THRB: variants seen among roughly 807,000 people sequenced by gnomAD.
THRB encodes the protein nuclear receptor subfamily 1 group A member 2.
THRB carries 12 observed loss-of-function variants against 47.8 expected under a neutral mutation model. The observed-to-expected ratio is 0.25, with a 90% CI of 0.16 to 0.41. The LOEUF is 0.41. THRB is among the 10% of genes least tolerant of loss of function. The probability of loss-of-function intolerance (pLI) is 1.00; values close to 1 mark genes in which losing one functional copy is unlikely to be tolerated. For missense variants in THRB, 348 were observed against 589.2 expected, an observed-to-expected ratio of 0.59 and a Z score of 4.24; for synonymous variants, 218 against 212.2, an observed-to-expected ratio of 1.03 and a Z score of -0.24.
chr3:24,453,798 A>T (rs780157513), intron 1 of THRB, among the ~76,000 whole-genome samples: 1 of 151,802 alleles, frequency 6.6e-6, no homozygotes, highest in Non-Finnish European at 1.5e-5. Flanking sequence ...TTTCTATTCC[A>T]CTGGCCTTCC....
At chr3:24,281,540 C>A (rs932774026) in intron 3 of THRB, among the ~76,000 whole-genome samples, 174 of 150,022 alleles carry the variant, frequency 1.2e-3, no homozygotes, top group African/African-American at 3.8e-3. Context: ...CGAGCAAAAT[C>A]ACCAGCTAAC....
Position 24,269,403 on chromosome 3 carries a change from GCACACACACACA to G in THRB, c.-43+27811_-43+27822del, listed in dbSNP as rs200586026. On this transcript the variant is annotated intron_variant, in intron 3 of 10. Transcript: ENST00000646209. ...ATAGCTCACACGCGCGCGCGCGCGCGCACACACACACACACACACACACACACACACACACAC... is the reference window on the plus strand; with the variant it reads ...ATAGCTCACACGCGCGCGCGCGCGCGCACACACACACACACACACACACAC... Among the ~76,000 whole-genome samples the G allele has an allele frequency of 4.2e-3, 302 of 72,672 alleles. 3 individuals carry two copies. Among genetic ancestry groups the G allele is most frequent in the Middle Eastern group, 0.021 (2 of 96 alleles). The allele number at this position is 72,672 out of a possible 152,430, so 47.7% of individuals were successfully genotyped here. A position where few individuals can be genotyped will look rare whatever the true frequency, so the allele number is the denominator to read the frequency against.
chr3:24,141,854 G>T (rs922787746), intron 8 of THRB, among the ~76,000 whole-genome samples: 1 of 152,212 alleles, frequency 6.6e-6, no homozygotes, highest in Non-Finnish European at 1.5e-5. Context: ...GTCCATTTAT[G>T]GGTGACACAT....
Position 24,124,146 on chromosome 3 carries a change from G to A in THRB, c.1145-1021C>T, listed in dbSNP as rs540334053. On this transcript the variant is annotated intron_variant, in intron 10 of 10. Transcript: ENST00000646209. ...AATTATTGAGGTGTCTGTATCAATA[G>A]GAATCGAAACAGGGTTCTGCTTCAT... Among the ~76,000 whole-genome samples the A allele has an allele frequency of 2.1e-4, 32 of 152,226 alleles. 1 individual carries two copies. In the South Asian group the frequency reaches 4.2e-3, roughly 20 times the overall value.
intron 1 of THRB, among the ~76,000 whole-genome samples, chr3:24,390,784 TA>T (rs33999392): frequency 0.14 from 19,357 of 138,166 alleles, 1,719 homozygotes; most frequent in Middle Eastern, 0.23. Flanking sequence ...CTTTACTTTG[TA>T]AAAAAAAAAA....
intron 1 of THRB, among the ~76,000 whole-genome samples, chr3:24,455,929 A>C (rs1247994173): frequency 6.6e-6 from 1 of 152,182 alleles, no homozygotes; most frequent in Non-Finnish European, 1.5e-5. Flanking sequence ...TATATTTTTA[A>C]AGCATTTTAT....
At chr3:24,287,918 T>C (rs1339609050) in intron 3 of THRB, among the ~76,000 whole-genome samples, 1 of 152,232 alleles carries the variant, frequency 6.6e-6, no homozygotes, top group Non-Finnish European at 1.5e-5. Flanking sequence ...TTTACTCATA[T>C]AAATAGTGAA....
chr3:24,124,017 A>T (rs1409612211), intron 10 of THRB, among the ~76,000 whole-genome samples: 2 of 152,210 alleles, frequency 1.3e-5, no homozygotes, highest in African/African-American at 4.8e-5. Flanking sequence ...ATAAACCCGG[A>T]TGAATTCCTC....
chr3:24,172,559 CT>C (rs1324422374), intron 5 of THRB, among the ~76,000 whole-genome samples: 1 of 152,094 alleles, frequency 6.6e-6, no homozygotes, highest in South Asian at 2.1e-4. Context: ...TAAGGGGAGA[CT>C]TTTGTTCACA....
intron 5 of THRB, among the ~76,000 whole-genome samples, chr3:24,174,348 G>A (rs2040854227): frequency 6.6e-6 from 1 of 152,068 alleles, no homozygotes; most frequent in African/African-American, 2.4e-5. Flanking sequence ...TAGTCACAAA[G>A]GGCCAACTAT....
In THRB at chr3:24,319,644, T is replaced by TTACTTGGTAACTGTA. The variant is rs2058349786; in HGVS notation, c.-189+17655_-189+17656insTACAGTTACCAAGTA. ...TTTTGTATGTTCTTCCAAGTGGTAGTTACATGGGTATACAACTACATAAAA... is the reference window on the plus strand; with the variant it reads ...TTTTGTATGTTCTTCCAAGTGGTAGTTACTTGGTAACTGTATACATGGGTATACAACTACATAAAA... On this transcript the variant is annotated intron_variant, in intron 2 of 10. Coordinates refer to ENST00000646209, the MANE Select transcript of THRB (RefSeq NM_001354712.2). 2.0e-5 allele frequency among the ~76,000 whole-genome samples: 3 copies of TTACTTGGTAACTGTA among 152,328 alleles called. No homozygotes were observed. In the South Asian group the frequency reaches 6.2e-4, roughly 32 times the overall value.
intron 1 of THRB, among the ~76,000 whole-genome samples, chr3:24,431,295 C>T (rs1417220314): frequency 7.2e-6 from 1 of 138,896 alleles, no homozygotes; most frequent in African/African-American, 2.5e-5. Flanking sequence ...CACACACACA[C>T]ACACATTTAT....
intron 1 of THRB, among the ~76,000 whole-genome samples, chr3:24,370,522 G>T (rs1324705030): frequency 1.3e-5 from 2 of 151,936 alleles, no homozygotes; most frequent in African/African-American, 2.4e-5. Context: ...ATGTTCCTCA[G>T]TATCAAATAC....
At chr3:24,238,299 G>A (rs974599166) in intron 3 of THRB, among the ~76,000 whole-genome samples, 1 of 140,964 alleles carries the variant, frequency 7.1e-6, no homozygotes, top group African/African-American at 2.6e-5. Flanking sequence ...GGGGTGTGTG[G>A]GGTGTGTGTG....
In THRB at chr3:24,434,578, C is replaced by A. The variant is rs537874466; in HGVS notation, c.-261+60074G>T. Among the ~76,000 whole-genome samples, 6 of 152,282 alleles carry A rather than the reference C, an allele frequency of 3.9e-5. No homozygotes were observed. The South Asian group carries it at 1.0e-3, about 26-fold the overall frequency. Reference sequence around the variant, plus strand: ...AAATTATTCTTTAAATGCAAACATTCCTACTGATTTGAACTCAGCATAGGG... The same window carrying A: ...AAATTATTCTTTAAATGCAAACATTACTACTGATTTGAACTCAGCATAGGG... On this transcript the variant is annotated intron_variant, in intron 1 of 10. Coordinates refer to ENST00000646209, the MANE Select transcript of THRB (RefSeq NM_001354712.2).
At chr3:24,199,551 T>C (rs2044355237) in intron 4 of THRB, among the ~76,000 whole-genome samples, 1 of 152,242 alleles carries the variant, frequency 6.6e-6, no homozygotes, top group Non-Finnish European at 1.5e-5. Flanking sequence ...CTTTTCCTTA[T>C]CTGGCTGCTC....
At position 24,458,095 on chromosome 3, in the gene THRB, G is replaced by A. The variant is rs1414105105; in HGVS notation, c.-261+36557C>T. ...GGGGCTGGCCTAGGGTCCACACTCG[G>A]AATAGGAAGGTTCTAAAGAAATACA... On this transcript the variant is annotated intron_variant, in intron 1 of 10. Coordinates refer to ENST00000646209, the MANE Select transcript of THRB (RefSeq NM_001354712.2). 4 of 152,142 alleles carry A rather than the reference G, an allele frequency of 2.6e-5. No individual in the cohort carries two copies. The East Asian group carries it at 5.8e-4, about 22-fold the overall frequency. 9.4% of individuals were successfully genotyped at this position (152,142 alleles called of 1,614,324 possible).
chr3:24,459,570 A>AC (rs956607323), intron 1 of THRB: 2 of 151,792 alleles, frequency 1.3e-5, no homozygotes, highest in Non-Finnish European at 2.9e-5. Context: ...ACTAATTTAC[A>AC]CCCCCACCAA....
At chr3:24,249,370 C>T (rs1401550889) in intron 3 of THRB, among the ~76,000 whole-genome samples, 2 of 152,114 alleles carry the variant, frequency 1.3e-5, no homozygotes, top group African/African-American at 2.4e-5. Flanking sequence ...TCTTTTCCCC[C>T]TTATACTTCT....
Sources: gnomAD v4.1 joint callset for allele counts (sites outside exome capture counted in the v4.1 genomes callset) on GRCh38, gnomAD v4.1.1 for gene constraint, MANE v1.5 for transcripts, NCBI Gene and HGNC (gene_info 2026-07-23, HGNC 2026-07-21) for gene names.